The following EXTL3 variants were observed in gnomAD, a reference collection of about 807,000 sequenced individuals.
The protein encoded by EXTL3 is exostosin like glycosyltransferase 3.
Under a neutral mutation model 69.3 loss-of-function variants are expected in EXTL3, and 27 were observed. The ratio of observed to expected loss-of-function variants is 0.39; its 90% CI spans 0.29 to 0.54. The LOEUF (loss-of-function observed/expected upper bound fraction) is 0.54. Ranked by LOEUF, EXTL3 falls within the 20% of genes least tolerant of loss-of-function variation. The pLI, the probability that EXTL3 is intolerant of heterozygous loss-of-function variation, is 0.69. For missense variants in EXTL3, 1,003 were observed against 1,231.8 expected (o/e 0.81, Z 2.78); for synonymous variants, 511 against 499.4 (o/e 1.02, Z -0.31).
At chr8:28,669,882 T>C (rs1585241650) in intron 1 of EXTL3, among the ~76,000 whole-genome samples, 1 of 152,080 alleles carries the variant, frequency 6.6e-6, no homozygotes, top group East Asian at 1.9e-4. Flanking sequence ...CTGAATCACC[T>C]GTACTGAGAT....
intron 2 of EXTL3, among the ~76,000 whole-genome samples, chr8:28,617,025 C>T (rs965801107): frequency 6.6e-6 from 1 of 152,220 alleles, no homozygotes; most frequent in African/African-American, 2.4e-5. Context: ...CCAGGAATCC[C>T]ACTTCCTGTT....
At chr8:28,755,804 T>C (rs575785240), downstream of EXTL3, among the ~76,000 whole-genome samples, 32 of 152,356 alleles carry the variant, frequency 2.1e-4, no homozygotes, top group African/African-American at 7.2e-4. Context: ...CATGTTAGCA[T>C]TGAAACTACT....
intron 4 of EXTL3, among the ~76,000 whole-genome samples, chr8:28,732,718 C>T (rs1801564535): frequency 6.6e-6 from 1 of 152,132 alleles, no homozygotes; most frequent in African/African-American, 2.4e-5. Context: ...CATCTTGTAG[C>T]AGGTACCAGT....
chr8:28,704,500 C>T (rs1347805338), intron 1 of EXTL3, among the ~76,000 whole-genome samples: 2 of 152,168 alleles, frequency 1.3e-5, no homozygotes, highest in Non-Finnish European at 1.5e-5. Flanking sequence ...CTTCATTTGG[C>T]TGTGTCCAAT....
chr8:28,668,295 C>CA (rs34642047), intron 1 of EXTL3, among the ~76,000 whole-genome samples: 16,560 of 130,910 alleles, frequency 0.13, 1,710 homozygotes, highest in African/African-American at 0.25. Context: ...AAAGAAAAGA[C>CA]AAAGAATACT....
chr8:28,629,187 A>G (rs1806537473), intron 1 of EXTL3, among the ~76,000 whole-genome samples: 1 of 130,566 alleles, frequency 7.7e-6, no homozygotes, highest in South Asian at 2.9e-4. Context: ...CTGAAAGACA[A>G]CCAGTGCCTG....
At position 28,713,635 on chromosome 8, in the gene EXTL3, T is replaced by G. The variant is rs1801076844; in HGVS notation, c.-476+85T>G. The G allele has an allele frequency of 5.9e-6, 4 of 682,674 alleles. No individual in the cohort carries two copies. In the Admixed American group the frequency reaches 6.7e-5, roughly 11 times the overall value. The allele number at this position is 682,674 out of a possible 1,614,324, so 42.3% of individuals were successfully genotyped here. On this transcript the variant is annotated intron_variant, in intron 2 of 6. Transcript: ENST00000220562. Reference sequence around the variant, plus strand: ...ATTCTGTTGTTTCTTTGTTACAATTTGGTCATAAGTGCAAAGAAGATTCTT... The same window carrying G: ...ATTCTGTTGTTTCTTTGTTACAATTGGGTCATAAGTGCAAAGAAGATTCTT...
intron 1 of EXTL3, among the ~76,000 whole-genome samples, chr8:28,687,702 G>T (rs1435565975): frequency 6.6e-6 from 1 of 152,104 alleles, no homozygotes; most frequent in Non-Finnish European, 1.5e-5. Flanking sequence ...GATGGCTAAG[G>T]GTGGAGACCC....
rs747021891 is a variant in EXTL3, at chr8:28,731,359, C to G, written c.2276+9C>G. Reference sequence around the variant, plus strand: ...ATCATGTTTGGGTTCCGGTGAGAGACTAATTTCCAATCAAAACTTTAGGTT... The same window carrying G: ...ATCATGTTTGGGTTCCGGTGAGAGAGTAATTTCCAATCAAAACTTTAGGTT... On this transcript the variant is annotated intron_variant, in intron 4 of 6. Coordinates refer to ENST00000220562, the MANE Select transcript of EXTL3 (RefSeq NM_001440.4). The G allele has an allele frequency of 1.5e-5, 25 of 1,614,062 alleles. No individual in the cohort carries two copies. Among genetic ancestry groups the G allele is most frequent in the Non-Finnish European group, 2.1e-5 (25 of 1,180,016 alleles).
intron 1 of EXTL3, among the ~76,000 whole-genome samples, chr8:28,668,083 T>A (rs1351169493): frequency 6.6e-6 from 1 of 151,762 alleles, no homozygotes; most frequent in Non-Finnish European, 1.5e-5. Context: ...GGCAAGATGC[T>A]GAGACATTGT....
chr8:28,666,451 T>C (rs1395545373), intron 1 of EXTL3, among the ~76,000 whole-genome samples: 4 of 152,108 alleles, frequency 2.6e-5, no homozygotes, highest in African/African-American at 7.2e-5. Context: ...CTAATTTTTT[T>C]TGATGGAGTC....
chr8:28,652,381 G>C (rs1243968737), intron 1 of EXTL3, among the ~76,000 whole-genome samples: 1 of 151,940 alleles, frequency 6.6e-6, no homozygotes, highest in Admixed American at 6.6e-5. Flanking sequence ...TTATAGCCTG[G>C]TGTTGTGGCT....
chr8:28,737,237 G>A (rs1801672335), intron 4 of EXTL3, among the ~76,000 whole-genome samples: 1 of 152,188 alleles, frequency 6.6e-6, no homozygotes, highest in Non-Finnish European at 1.5e-5. Context: ...ACCCCATTCT[G>A]GAGATCCCCT....
rs999435263 is a variant in EXTL3 at position 28,751,000 on chromosome 8, G to T, written c.*134G>T. 8.0e-6 allele frequency: 6 copies of T among 745,570 alleles called. No individual in the cohort carries two copies. Among genetic ancestry groups the T allele is most frequent in the Non-Finnish European group, 1.1e-5 (5 of 447,896 alleles). The allele number at this position is 745,570 out of a possible 1,614,324, so 46.2% of individuals were successfully genotyped here. A position where few individuals can be genotyped will look rare whatever the true frequency, so the allele number is the denominator to read the frequency against. On this transcript the variant is annotated 3_prime_UTR_variant, in exon 7 of 7. Transcript: ENST00000220562. This position sits in a 1 kb window ranked among gnomAD's most constrained non-coding sequence, Gnocchi z 5.2. ...CCTCTGCTGGAAGGGGCAGCAGGAGGAGTGGAAGGAAACCGCTGCCTTTAT... is the reference window on the plus strand; with the variant it reads ...CCTCTGCTGGAAGGGGCAGCAGGAGTAGTGGAAGGAAACCGCTGCCTTTAT...
At chr8:28,632,782 G>A (rs1334233801) in intron 1 of EXTL3, among the ~76,000 whole-genome samples, 24 of 151,922 alleles carry the variant, frequency 1.6e-4, no homozygotes, top group Non-Finnish European at 2.9e-5. Context: ...TCGAACTCCT[G>A]ACCTCAGGTG....
intron 1 of EXTL3, among the ~76,000 whole-genome samples, chr8:28,681,792 G>T (rs955180867): frequency 1.3e-5 from 2 of 152,086 alleles, no homozygotes; most frequent in African/African-American, 4.8e-5. Context: ...GGTAGCTCAC[G>T]CCTGTAATCC....
At chr8:28,698,883 A>C (rs1800726475), upstream of EXTL3, among the ~76,000 whole-genome samples, 1 of 152,160 alleles carries the variant, frequency 6.6e-6, no homozygotes, top group Admixed American at 6.5e-5. Flanking sequence ...AATCCCAGTT[A>C]CTCGGGAGGG....
At chr8:28,746,524 A>G (rs1801892175) in intron 6 of EXTL3, among the ~76,000 whole-genome samples, 1 of 152,248 alleles carries the variant, frequency 6.6e-6, no homozygotes, top group African/African-American at 2.4e-5. Context: ...GGAATCTTCC[A>G]TGTAAACTGT....
At chr8:28,675,673 A>C (rs986208090) in intron 1 of EXTL3, among the ~76,000 whole-genome samples, 15 of 152,218 alleles carry the variant, frequency 9.9e-5, no homozygotes, top group Admixed American at 6.5e-4. Context: ...ATGTTTTGAC[A>C]TGGGCTCACT....
Sources: allele counts gnomAD v4.1 joint callset (sites outside exome capture counted in the v4.1 genomes callset), GRCh38; gene constraint gnomAD v4.1.1; non-coding constraint Gnocchi (gnomAD v3.1); transcripts MANE v1.5; gene names NCBI Gene and HGNC (gene_info 2026-07-23, HGNC 2026-07-21).